The following DEPDC1B variants were observed in gnomAD, a reference collection of about 807,000 sequenced individuals.
DEPDC1B encodes the protein DEP domain containing 1B.
Under a neutral mutation model 66.5 loss-of-function variants are expected in DEPDC1B, and 51 were observed. The ratio of observed to expected loss-of-function variants is 0.77; its 90% CI spans 0.61 to 0.97. The LOEUF (loss-of-function observed/expected upper bound fraction) is 0.97. DEPDC1B is among the 50% of genes least tolerant of loss of function. DEPDC1B has a pLI of 0.00. For missense variants in DEPDC1B, 552 were observed against 637.1 expected (o/e 0.87, Z 1.44); for synonymous variants, 226 against 223.6 (o/e 1.01, Z -0.10).
chr5:60,684,565 A>G lies in DEPDC1B; in HGVS notation c.314+2397T>C, dbSNP rs145505767. Among the ~76,000 whole-genome samples the G allele has an allele frequency of 5.5e-4, 84 of 152,312 alleles. 1 individual carries two copies. The East Asian group carries it at 0.015, about 27-fold the overall frequency. On this transcript the variant is annotated intron_variant, in intron 2 of 10. Transcript: ENST00000265036. ...TGCAGAAGAATGAAACTAGACCTCT[A>G]TCTCTCACCATGTATAAAAGTCAAC... is the stretch of plus-strand genomic sequence containing the variant.
chr5:60,598,572 C>T (rs1239151566), intron 10 of DEPDC1B, among the ~76,000 whole-genome samples: 1 of 152,110 alleles, frequency 6.6e-6, no homozygotes, highest in Non-Finnish European at 1.5e-5. Context: ...AAAAACGATT[C>T]GCTGGAACCC....
intron 2 of DEPDC1B, 197 bp from the exon 3 acceptor site, chr5:60,647,730 AT>A (rs1421720333): frequency 5.4e-5 from 23 of 426,628 alleles, no homozygotes; most frequent in African/African-American, 3.9e-4. Context: ...TTGAATACAT[AT>A]TTTTTATCAG....
At chr5:60,639,353 T>A (rs562813287) in intron 6 of DEPDC1B, among the ~76,000 whole-genome samples, 1 of 152,328 alleles carries the variant, frequency 6.6e-6, no homozygotes, top group African/African-American at 2.4e-5. Flanking sequence ...TTCATTCTTG[T>A]TATATTATAA....
chr5:60,642,934 T>A, intron 5 of DEPDC1B, 75 bp from the exon 6 acceptor site: 1 of 1,133,086 alleles, frequency 8.8e-7, no homozygotes, highest in Non-Finnish European at 1.3e-6. Flanking sequence ...ATCATAAGAA[T>A]GTATTACTTG....
chr5:60,690,980 G>A (rs75280360), intron 1 of DEPDC1B, among the ~76,000 whole-genome samples: 43 of 152,236 alleles, frequency 2.8e-4, no homozygotes, highest in South Asian at 1.0e-3. Flanking sequence ...CATGTACCCC[G>A]GATGTGTAGC....
chr5:60,626,347 T>C (rs1429773351), intron 7 of DEPDC1B, among the ~76,000 whole-genome samples: 1 of 152,188 alleles, frequency 6.6e-6, no homozygotes, highest in East Asian at 1.9e-4. Context: ...TTGTTTCCAC[T>C]TTTTGGCTCT....
intron 2 of DEPDC1B, among the ~76,000 whole-genome samples, chr5:60,654,146 A>G (rs1012582762): frequency 6.7e-6 from 1 of 149,012 alleles, no homozygotes; most frequent in African/African-American, 2.5e-5. Context: ...GTGAAGAATG[A>G]TGGTGGTATA....
chr5:60,642,628 T>C (rs1369259531), intron 6 of DEPDC1B, among the ~76,000 whole-genome samples, 184 bp downstream of exon 6: 2 of 152,190 alleles, frequency 1.3e-5, no homozygotes, highest in East Asian at 3.8e-4. Context: ...TTTAAAACTG[T>C]TCTAGAATTC....
chr5:60,638,691 A>G, intron 7 of DEPDC1B, 59 bp downstream of exon 7: 1 of 1,513,404 alleles, frequency 6.6e-7, no homozygotes, highest in South Asian at 1.3e-5. Flanking sequence ...CAAAATAGTG[A>G]AAAATGAAAC....
At chr5:60,698,810 C>G (rs577452606) in intron 1 of DEPDC1B, among the ~76,000 whole-genome samples, 119 of 152,100 alleles carry the variant, frequency 7.8e-4, no homozygotes, top group African/African-American at 2.7e-3. Flanking sequence ...AGACTATAGG[C>G]GCATGCCACC....
intron 2 of DEPDC1B, among the ~76,000 whole-genome samples, chr5:60,650,676 T>G (rs1230224321): frequency 6.6e-6 from 1 of 152,182 alleles, no homozygotes; most frequent in East Asian, 1.9e-4. Context: ...GTATGGACTG[T>G]TCAATAAATA....
intron 2 of DEPDC1B, among the ~76,000 whole-genome samples, chr5:60,673,890 T>C (rs1754099898): frequency 6.6e-6 from 1 of 152,240 alleles, no homozygotes; most frequent in South Asian, 2.1e-4. Context: ...GCTCCTTTCA[T>C]ATTTCTGGAG....
At chr5:60,689,334 C>T (rs1754492516) in intron 1 of DEPDC1B, among the ~76,000 whole-genome samples, 1 of 152,178 alleles carries the variant, frequency 6.6e-6, no homozygotes, top group African/African-American at 2.4e-5. Context: ...AGGAGGAAAT[C>T]AGGAAGCAAA....
Position 60,687,164 on chromosome 5 carries a change from T to C in DEPDC1B, c.112A>G (p.Lys38Glu). The C allele has an allele frequency of 6.2e-7, 1 of 1,614,138 alleles. No individual in the cohort carries two copies. Among genetic ancestry groups the C allele is most frequent in the Non-Finnish European group, 8.5e-7 (1 of 1,179,982 alleles). ...GCTGTGAAACAATGCTCATAGCTCT[T>C]GAAACGACAGCGATGTTTCCGTAAC... ...MPLRKHRCRF[K>E]SYEHCFTAAE... Residue 38 changes from lysine (K) to glutamate (E), a missense_variant, in exon 2 of 11, where the codon AAG (lysine) becomes GAG (glutamate). By Grantham distance (56) the Lys-to-Glu change is moderately conservative (BLOSUM62 1). Coordinates refer to ENST00000265036, the MANE Select transcript of DEPDC1B (RefSeq NM_018369.3).
Position 60,629,385 on chromosome 5 carries a change from G to T in DEPDC1B, c.898+9365C>A, listed in dbSNP as rs141648346. Among the ~76,000 whole-genome samples the T allele has an allele frequency of 1.9e-3, 296 of 152,280 alleles. 2 individuals are homozygous for T. Among genetic ancestry groups the T allele is most frequent in the Non-Finnish European group, 1.7e-3 (114 of 68,026 alleles). ...CAGTGGTGGGATTACTACAGCAAAT[G>T]ATAGTTGTATTTTATTTTTTGAGCA... On this transcript the variant is annotated intron_variant, in intron 7 of 10. Coordinates refer to ENST00000265036, the MANE Select transcript of DEPDC1B (RefSeq NM_018369.3).
intron 3 of DEPDC1B, among the ~76,000 whole-genome samples, chr5:60,646,392 G>C (rs888429277): frequency 1.3e-5 from 2 of 152,158 alleles, no homozygotes; most frequent in East Asian, 1.9e-4. Context: ...AGGAGGAAGA[G>C]ACAAAGAGGA....
At position 60,652,300 on chromosome 5, in the gene DEPDC1B, C is replaced by G. The variant is rs568703553; in HGVS notation, c.315-4767G>C. ...GAAGCAGAGGACACAAAACCATCAC[C>G]GTGTATCCTCCACCAGTCAGCCAAA... is the stretch of plus-strand genomic sequence containing the variant. On this transcript the variant is annotated intron_variant, in intron 2 of 10. Transcript: ENST00000265036. Among the ~76,000 whole-genome samples, 5 of 149,266 alleles carry G rather than the reference C, an allele frequency of 3.3e-5. No individual in the cohort carries two copies. The South Asian group carries it at 1.1e-3, about 33-fold the overall frequency.
intron 2 of DEPDC1B, among the ~76,000 whole-genome samples, chr5:60,660,660 T>C (rs1003223023): frequency 1.3e-5 from 2 of 152,196 alleles, no homozygotes; most frequent in African/African-American, 2.4e-5. Flanking sequence ...ACCTCACCAG[T>C]TCAGAACTAT....
chr5:60,654,571 A>T (rs1248317954), intron 2 of DEPDC1B, among the ~76,000 whole-genome samples: 5 of 148,836 alleles, frequency 3.4e-5, no homozygotes, highest in Non-Finnish European at 7.4e-5. Context: ...TATCATCAAG[A>T]AACAGTGACA....
Sources: allele counts gnomAD v4.1 joint callset (sites outside exome capture counted in the v4.1 genomes callset), GRCh38; gene constraint gnomAD v4.1.1; transcripts MANE v1.5; gene names NCBI Gene and HGNC (gene_info 2026-07-23, HGNC 2026-07-21).